THRAP3: variants seen among roughly 807,000 people sequenced by gnomAD.
THRAP3 encodes the protein thyroid hormone receptor associated protein 3, also known as thyroid hormone receptor-associated protein 3.
In THRAP3, 16 loss-of-function variants were observed where a neutral mutation model predicts 101.0. That is an observed-to-expected ratio of 0.16 (90% CI 0.11 to 0.24). THRAP3 has a LOEUF of 0.24. Ranked by LOEUF, THRAP3 falls within the 10% of genes least tolerant of loss-of-function variation. THRAP3 has a pLI of 1.00. For synonymous variants in THRAP3, 407 were observed against 422.6 expected, an observed-to-expected ratio of 0.96 and a Z score of 0.45; for missense variants, 989 against 1,202.7, an observed-to-expected ratio of 0.82 and a Z score of 2.63.
chr1:36,249,426 C>T (rs1195779621), intron 1 of THRAP3, among the ~76,000 whole-genome samples: 2 of 151,986 alleles, frequency 1.3e-5, no homozygotes, highest in African/African-American at 2.4e-5. Flanking sequence ...CTCCTGACCT[C>T]GTGATCCACC....
intron 4 of THRAP3, 170 bp downstream of exon 4, chr1:36,287,440 A>G: frequency 2.0e-6 from 2 of 984,384 alleles, no homozygotes; most frequent in Non-Finnish European, 2.4e-6. Context: ...CTTTAGGTTA[A>G]CTCTAGCTTT....
At chr1:36,222,957 C>T (rs1006455386), upstream of THRAP3, among the ~76,000 whole-genome samples, 1 of 151,948 alleles carries the variant, frequency 6.6e-6, no homozygotes, top group Non-Finnish European at 1.5e-5. Context: ...GGCGAAACCC[C>T]GTCTCCACAA....
At chr1:36,261,481 T>C (rs1047010488) in intron 2 of THRAP3, among the ~76,000 whole-genome samples, 1 of 152,112 alleles carries the variant, frequency 6.6e-6, no homozygotes, top group South Asian at 2.1e-4. Flanking sequence ...TGCAGTGAGC[T>C]GAGATCGCGC....
the THRAP3 span, among the ~76,000 whole-genome samples, chr1:36,208,719 T>C: frequency 1.6e-4 from 24 of 152,302 alleles, no homozygotes; most frequent in African/African-American, 5.5e-4. Flanking sequence ...CAGGCTGGTA[T>C]GCAGTGGCAC....
At chr1:36,250,415 T>C (rs1645285737) in intron 1 of THRAP3, among the ~76,000 whole-genome samples, 1 of 151,972 alleles carries the variant, frequency 6.6e-6, no homozygotes, top group Non-Finnish European at 1.5e-5. Context: ...GGTTTCACTA[T>C]GTTGGCCGGG....
chr1:36,212,718 C>G, the THRAP3 span, among the ~76,000 whole-genome samples: 1 of 152,136 alleles, frequency 6.6e-6, no homozygotes, highest in Non-Finnish European at 1.5e-5. Context: ...CCACACCCAG[C>G]AGGGACAACT....
At chr1:36,236,015 G>A (rs1645083195) in intron 1 of THRAP3, among the ~76,000 whole-genome samples, 2 of 152,006 alleles carry the variant, frequency 1.3e-5, no homozygotes, top group East Asian at 1.9e-4. Context: ...TTGGGAGGCC[G>A]AGGTGGGCAG....
the THRAP3 span, among the ~76,000 whole-genome samples, chr1:36,212,416 TTC>T: frequency 4.8e-5 from 7 of 145,714 alleles, no homozygotes; most frequent in African/African-American, 1.9e-4. Flanking sequence ...TTTTCTTTCT[TTC>T]TTTTTTTTTT....
intron 2 of THRAP3, among the ~76,000 whole-genome samples, chr1:36,270,819 C>T (rs1448265200): frequency 1.3e-5 from 2 of 151,982 alleles, no homozygotes; most frequent in African/African-American, 2.4e-5. Flanking sequence ...TCAGGTGATC[C>T]GCCTGCCTCG....
chr1:36,244,203 A>C (rs970668223), intron 1 of THRAP3, among the ~76,000 whole-genome samples: 17 of 152,248 alleles, frequency 1.1e-4, no homozygotes, highest in Non-Finnish European at 1.9e-4. Context: ...AGCAGCTACT[A>C]ATTTATTTTC....
chr1:36,243,951 G>T (rs1645199293), intron 1 of THRAP3, among the ~76,000 whole-genome samples: 1 of 4,898 alleles, frequency 2.0e-4, no homozygotes, highest in African/African-American at 6.8e-4. Context: ...CTCCCGGATG[G>T]GGCGGCTGGC....
intron 8 of THRAP3, chr1:36,294,252 T>C (rs1645917384): frequency 3.6e-6 from 4 of 1,115,484 alleles, no homozygotes; most frequent in Non-Finnish European, 4.4e-6. Context: ...GTAAGTATTA[T>C]CAAATCAACT....
intron 1 of THRAP3, among the ~76,000 whole-genome samples, chr1:36,241,161 C>T (rs1216196430): frequency 1.5e-5 from 2 of 132,462 alleles, no homozygotes; most frequent in South Asian, 2.4e-4. Context: ...GAGCCGAGAT[C>T]GGGCCTGGGC....
chr1:36,211,057 A>T, the THRAP3 span, among the ~76,000 whole-genome samples: 6 of 151,382 alleles, frequency 4.0e-5, no homozygotes, highest in South Asian at 8.3e-4. Context: ...ACATAAAAAA[A>T]AATTAAAAAC....
chr1:36,215,318 T>C, the THRAP3 span, among the ~76,000 whole-genome samples: 1 of 152,218 alleles, frequency 6.6e-6, no homozygotes, highest in African/African-American at 2.4e-5. Context: ...CCCAGTGGGA[T>C]CCGGCTCCTT....
At chr1:36,230,116 G>A (rs971938389) in intron 1 of THRAP3, among the ~76,000 whole-genome samples, 6 of 151,462 alleles carry the variant, frequency 4.0e-5, no homozygotes, top group African/African-American at 1.5e-4. Flanking sequence ...CACCACACCT[G>A]GTTAATTTTT....
chr1:36,301,047 C>A lies in THRAP3; in HGVS notation c.2465C>A (p.Pro822Gln), dbSNP rs1315084277. The A allele has an allele frequency of 1.2e-6, 2 of 1,614,018 alleles. No individual in the cohort carries two copies. The highest frequency in any genetic ancestry group is 2.7e-5 in the African/African-American group (2 of 74,902). ...CTGGGGACCAAAGACTTTGTGGGTC[C>A]AAGTGAAAGAGGAGGTGGCAGAGCT... ...SRLGTKDFVGPSERGGGRARG... is the reference protein window; with the variant it reads ...SRLGTKDFVGQSERGGGRARG... The change falls in exon 10 of 12, where the codon CCA becomes CAA. Residue 822 changes from proline to glutamine, a missense_variant. Transcript: ENST00000354618.
the THRAP3 span, among the ~76,000 whole-genome samples, chr1:36,208,966 CTTTTTTTTTT>C: frequency 3.9e-5 from 2 of 51,880 alleles, no homozygotes; most frequent in African/African-American, 6.6e-5. Flanking sequence ...CATGTCCAGC[CTTTTTTTTTT>C]TTTTTTTTTT....
At chr1:36,284,482 G>GT (rs1311101159) in intron 3 of THRAP3, among the ~76,000 whole-genome samples, 3 of 152,142 alleles carry the variant, frequency 2.0e-5, no homozygotes, top group Non-Finnish European at 2.9e-5. Flanking sequence ...CTGTTTCATG[G>GT]TTTTTTCTTT....
Sources: gnomAD v4.1 joint callset for allele counts (sites outside exome capture counted in the v4.1 genomes callset) on GRCh38, gnomAD v4.1.1 for gene constraint, MANE v1.5 for transcripts, NCBI Gene and HGNC (gene_info 2026-07-23, HGNC 2026-07-21) for gene names.